The following NHSL1 variants were observed in gnomAD, a reference collection of about 807,000 sequenced individuals.
NHSL1 encodes NHS-like protein 1.
Under a neutral mutation model 95.0 loss-of-function variants are expected in NHSL1, and 48 were observed. That is an observed-to-expected ratio of 0.51 (90% CI 0.40 to 0.64). The LOEUF (loss-of-function observed/expected upper bound fraction) is 0.64. NHSL1 is among the 30% of genes least tolerant of loss of function. The pLI is 0.00. For synonymous variants in NHSL1, 783 were observed against 833.9 expected (o/e 0.94, Z 1.05); for missense variants, 1,971 against 2,077.7 (o/e 0.95, Z 1.00).
At chr6:138,538,971 A>G (rs75882425) in intron 1 of NHSL1, among the ~76,000 whole-genome samples, 1 of 152,268 alleles carries the variant, frequency 6.6e-6, no homozygotes, top group East Asian at 1.9e-4. Flanking sequence ...CCCACAGTCA[A>G]GTCACTCAGG....
chr6:138,504,067 C>G (rs1484641223), upstream of NHSL1, among the ~76,000 whole-genome samples: 1 of 131,228 alleles, frequency 7.6e-6, no homozygotes, highest in East Asian at 2.6e-4. Context: ...CCTATCCCCC[C>G]AAAAATACAA....
chr6:138,426,497 G>A (rs190615019), intron 7 of NHSL1, among the ~76,000 whole-genome samples: 1 of 152,332 alleles, frequency 6.6e-6, no homozygotes, highest in African/African-American at 2.4e-5. Flanking sequence ...GGGAATAACA[G>A]TATATAGGTC....
In NHSL1 at chr6:138,520,569, C is replaced by T. The variant is rs1244113767; in HGVS notation, c.17-24198G>A. Among the ~76,000 whole-genome samples the T allele has an allele frequency of 2.6e-5, 4 of 152,078 alleles. No homozygotes were observed. The East Asian group carries it at 5.8e-4, about 22-fold the overall frequency. On this transcript the variant is annotated intron_variant, in intron 1 of 4. Coordinates refer to the NHSL1 transcript ENST00000342260. ...CCTCCCAAAGTGCTGAGATTACAGA[C>T]GTGAGCCACTGCGCCCAGCAGTTTA...
At chr6:138,646,233 T>C (rs1411595736) in intron 1 of NHSL1, among the ~76,000 whole-genome samples, 2 of 152,228 alleles carry the variant, frequency 1.3e-5, no homozygotes, top group South Asian at 2.1e-4. Flanking sequence ...TCCCTTGTTA[T>C]AGGTTTTCAA....
At chr6:138,593,062 T>C (rs1339140732) in intron 1 of NHSL1, among the ~76,000 whole-genome samples, 1 of 152,230 alleles carries the variant, frequency 6.6e-6, no homozygotes, top group Non-Finnish European at 1.5e-5. Flanking sequence ...GAATCCCATC[T>C]GAAAGCCATT....
At chr6:138,506,628 T>C (rs1780975912) in intron 1 of NHSL1, among the ~76,000 whole-genome samples, 2 of 152,334 alleles carry the variant, frequency 1.3e-5, no homozygotes, top group African/African-American at 4.8e-5. Flanking sequence ...GGGCATCTTG[T>C]ATTTGGTTAA....
chr6:138,580,157 T>C (rs1390921798), intron 1 of NHSL1, among the ~76,000 whole-genome samples: 1 of 152,178 alleles, frequency 6.6e-6, no homozygotes, highest in Non-Finnish European at 1.5e-5. Context: ...TAGGCATCAG[T>C]ATGTGCATCA....
At chr6:138,624,189 A>G (rs1369545845) in intron 1 of NHSL1, among the ~76,000 whole-genome samples, 1 of 152,186 alleles carries the variant, frequency 6.6e-6, no homozygotes, top group Non-Finnish European at 1.5e-5. Context: ...ACGCTAAGAG[A>G]GTGCATCTCC....
In NHSL1 at chr6:138,432,650, G is replaced by C. The variant is rs760664246; in HGVS notation, c.1695C>G (p.Pro565=). Residue 565 remains proline, a synonymous_variant, in exon 6 of 8, where the codon CCC becomes CCG. Transcript: ENST00000343505. The surrounding 1 kb of genome is among the most constrained non-coding windows in gnomAD (Gnocchi z 4.4). ...CAGGAGTTGCTAAATGCGGCTTCAGGGGGGATGCCCTTCCATTACCTGAGG... is the reference window on the plus strand; with the variant it reads ...CAGGAGTTGCTAAATGCGGCTTCAGCGGGGATGCCCTTCCATTACCTGAGG... ...YKSSGNGRAS[P]LKPHLATPGY... is the part of the protein sequence containing the mutation. The C allele has an allele frequency of 1.5e-5, 23 of 1,551,592 alleles. No individual in the cohort carries two copies. In the East Asian group the frequency reaches 2.0e-4, roughly 13 times the overall value.
chr6:138,549,978 G>C (rs900767999), upstream of NHSL1, among the ~76,000 whole-genome samples: 3 of 152,148 alleles, frequency 2.0e-5, no homozygotes, highest in African/African-American at 7.2e-5. Flanking sequence ...AGTGGCTCAT[G>C]CCTATAATCC....
At chr6:138,566,769 C>T (rs888068305) in intron 1 of NHSL1, among the ~76,000 whole-genome samples, 4 of 151,708 alleles carry the variant, frequency 2.6e-5, no homozygotes, top group African/African-American at 9.7e-5. Flanking sequence ...GTCCCAACTT[C>T]AGAAGAAAAA....
At chr6:138,466,338 G>A (rs1205524667) in intron 3 of NHSL1, among the ~76,000 whole-genome samples, 1 of 152,052 alleles carries the variant, frequency 6.6e-6, no homozygotes, top group Non-Finnish European at 1.5e-5. Flanking sequence ...ACCACGCCTG[G>A]CCACTGGCCC....
chr6:138,507,808 T>C (rs1302175735), intron 1 of NHSL1, among the ~76,000 whole-genome samples: 1 of 151,740 alleles, frequency 6.6e-6, no homozygotes, highest in Non-Finnish European at 1.5e-5. Flanking sequence ...ATGAAACATA[T>C]GACATACTGA....
intron 1 of NHSL1, among the ~76,000 whole-genome samples, chr6:138,590,107 C>T (rs1784202675): frequency 6.6e-6 from 1 of 152,244 alleles, no homozygotes; most frequent in African/African-American, 2.4e-5. Context: ...AAGCGATTCT[C>T]CTGCCTCAGC....
At chr6:138,663,468 G>A (rs1785254105) in intron 1 of NHSL1, among the ~76,000 whole-genome samples, 1 of 150,664 alleles carries the variant, frequency 6.6e-6, no homozygotes, top group African/African-American at 2.5e-5. Context: ...CTAAAGGCAG[G>A]AGAATCACTC....
upstream of NHSL1, chr6:138,572,587 T>A (rs1382411228): frequency 6.6e-6 from 1 of 152,250 alleles, no homozygotes; most frequent in East Asian, 1.9e-4. Flanking sequence ...GCTGCGTGGC[T>A]ATTGCCTGGA....
intron 2 of NHSL1, among the ~76,000 whole-genome samples, chr6:138,481,122 G>T (rs1779392312): frequency 6.6e-6 from 1 of 152,230 alleles, no homozygotes; most frequent in South Asian, 2.1e-4. Context: ...AGAAGAAAAT[G>T]AATTCCAGCC....
intron 1 of NHSL1, among the ~76,000 whole-genome samples, chr6:138,529,101 G>A (rs1782029122): frequency 6.6e-6 from 1 of 152,140 alleles, no homozygotes; most frequent in South Asian, 2.1e-4. Context: ...AATAGCATAA[G>A]ATTCCCTTGA....
In NHSL1 at chr6:138,635,828, T is replaced by G. The variant is rs1233439979; in HGVS notation, c.96+56648A>C. 2.0e-5 allele frequency among the ~76,000 whole-genome samples: 3 copies of G among 151,606 alleles called. No homozygotes were observed. In the East Asian group the frequency reaches 5.8e-4, roughly 29 times the overall value. On this transcript the variant is annotated intron_variant, in intron 1 of 3. Coordinates refer to the NHSL1 transcript ENST00000491526. ...TAGCAAACTGACCTCAACAATACAT[T>G]AGAGGCCAGGCACAGTGGCTCACGC...
Sources: gnomAD v4.1 joint callset for allele counts (sites outside exome capture counted in the v4.1 genomes callset) on GRCh38, gnomAD v4.1.1 for gene constraint, Gnocchi (gnomAD v3.1) non-coding constraint, MANE v1.5 for transcripts, NCBI Gene and HGNC (gene_info 2026-07-23, HGNC 2026-07-21) for gene names.